Variants in MLLT3 observed in about 807,000 individuals in gnomAD.
The protein encoded by MLLT3 is protein AF-9.
MLLT3 carries 4 observed loss-of-function variants against 53.2 expected under a neutral mutation model. That is an observed-to-expected ratio of 0.08 (90% CI 0.04 to 0.17). The LOEUF (loss-of-function observed/expected upper bound fraction) is 0.17. Among genes scored for constraint, MLLT3 ranks in the 10% least tolerant of loss-of-function variants. The pLI is 1.00. For synonymous variants in MLLT3, 283 were observed against 230.6 expected, an observed-to-expected ratio of 1.23 and a Z score of -2.06; for missense variants, 569 against 684.0, an observed-to-expected ratio of 0.83 and a Z score of 1.87.
chr9:20,588,280 C>T (rs1258801034), intron 2 of MLLT3, among the ~76,000 whole-genome samples: 15 of 149,930 alleles, frequency 1.0e-4, no homozygotes, highest in African/African-American at 3.4e-4. Context: ...TAGTGTGATG[C>T]CTCCAGCTTT....
chr9:20,493,585 T>C (rs1825007063), intron 2 of MLLT3, among the ~76,000 whole-genome samples: 3 of 152,022 alleles, frequency 2.0e-5, no homozygotes, highest in South Asian at 2.1e-4. Context: ...GTATTATTTG[T>C]CATAGGAAGA....
chr9:20,574,689 T>C (rs1396045738), intron 2 of MLLT3, among the ~76,000 whole-genome samples: 4 of 152,166 alleles, frequency 2.6e-5, no homozygotes, highest in South Asian at 4.1e-4. Context: ...TGGATGTTGA[T>C]GGCTGCTGAC....
intron 2 of MLLT3, among the ~76,000 whole-genome samples, chr9:20,530,605 G>T (rs1818307170): frequency 6.6e-6 from 1 of 152,176 alleles, no homozygotes. Context: ...GTAAATACAT[G>T]CATAAAAACA....
intron 2 of MLLT3, among the ~76,000 whole-genome samples, chr9:20,569,442 T>C (rs1819470301): frequency 6.6e-6 from 1 of 152,016 alleles, no homozygotes; most frequent in African/African-American, 2.4e-5. Context: ...GTTATAGCAA[T>C]AATAGCAATC....
chr9:20,483,833 G>A (rs148074784), intron 2 of MLLT3, among the ~76,000 whole-genome samples: 1,777 of 149,768 alleles, frequency 0.012, 16 homozygotes, highest in Middle Eastern at 0.034. Context: ...TCAGCCTCCC[G>A]AGTAGCTGGG....
chr9:20,568,812 T>C (rs1441427582), intron 2 of MLLT3, among the ~76,000 whole-genome samples: 1 of 152,202 alleles, frequency 6.6e-6, no homozygotes, highest in Non-Finnish European at 1.5e-5. Context: ...TATTTACATC[T>C]AATCCTCACT....
chr9:20,414,312 ACTGCTGCTG>A lies in MLLT3; in HGVS notation c.525_533del (p.Ser188_Ser190del), dbSNP rs747298605. ...TGCTGCTGCTGCTACTGCTGCTGCT[ACTGCTGCTG>A]CTGCTGCTGCTGCTGCTGCTGCTAC... On this transcript the variant is annotated inframe_deletion, in exon 5 of 11. Coordinates refer to ENST00000380338, the MANE Select transcript of MLLT3 (RefSeq NM_004529.4). The A allele has an allele frequency of 1.0e-4, 156 of 1,565,024 alleles. No homozygotes were observed. Among genetic ancestry groups the A allele is most frequent in the Middle Eastern group, 3.9e-4 (2 of 5,174 alleles).
chr9:20,594,478 G>A (rs1444379635), intron 2 of MLLT3, among the ~76,000 whole-genome samples: 3 of 152,110 alleles, frequency 2.0e-5, no homozygotes, highest in African/African-American at 7.2e-5. Flanking sequence ...TTATAAAAGG[G>A]AGGGGGGCAA....
Position 20,502,207 on chromosome 9 carries a change from C to A in MLLT3, c.194-45421G>T, listed in dbSNP as rs940092334. ...ATGTAAGCAAAAATTCCAGAGTATA[C>A]AGAATGCCTGGCTTGACAGGGCACC... On this transcript the variant is annotated intron_variant, in intron 2 of 10. Coordinates refer to ENST00000380338, the MANE Select transcript of MLLT3 (RefSeq NM_004529.4). The A allele has an allele frequency of 2.0e-5, 3 of 153,042 alleles. No individual in the cohort carries two copies. In the Admixed American group the frequency reaches 2.0e-4, roughly 10 times the overall value. 9.5% of individuals were successfully genotyped at this position (153,042 alleles called of 1,614,324 possible). A position where few individuals can be genotyped will look rare whatever the true frequency, so the allele number is the denominator to read the frequency against.
chr9:20,423,422 A>AT (rs540377831), intron 4 of MLLT3, among the ~76,000 whole-genome samples: 3 of 152,088 alleles, frequency 2.0e-5, no homozygotes, highest in Non-Finnish European at 4.4e-5. Context: ...GTAAAATATT[A>AT]TTTTTTGGCA....
intron 2 of MLLT3, among the ~76,000 whole-genome samples, chr9:20,480,961 C>A (rs1427715106): frequency 6.6e-6 from 1 of 152,074 alleles, no homozygotes; most frequent in Non-Finnish European, 1.5e-5. Flanking sequence ...GTCATGAGAA[C>A]TATAATTTTA....
intron 2 of MLLT3, among the ~76,000 whole-genome samples, chr9:20,618,992 G>A (rs1232699322): frequency 2.0e-5 from 3 of 152,166 alleles, no homozygotes; most frequent in Non-Finnish European, 4.4e-5. Context: ...CAGCCAAGTA[G>A]TAGTAATAAT....
chr9:20,456,169 C>T (rs1027826782), intron 3 of MLLT3, among the ~76,000 whole-genome samples: 2 of 152,156 alleles, frequency 1.3e-5, no homozygotes. Flanking sequence ...GAACTCCTGA[C>T]CTCAAGTGAT....
intron 4 of MLLT3, among the ~76,000 whole-genome samples, chr9:20,416,723 T>C (rs989732307): frequency 6.6e-6 from 1 of 152,274 alleles, no homozygotes. Flanking sequence ...GACCCAGACA[T>C]TCTTGTTCTT....
At chr9:20,524,454 T>C (rs1818147291) in intron 2 of MLLT3, among the ~76,000 whole-genome samples, 1 of 152,054 alleles carries the variant, frequency 6.6e-6, no homozygotes, top group East Asian at 1.9e-4. Flanking sequence ...AAATGTACTG[T>C]AATCAAAATC....
At chr9:20,585,628 G>A (rs1202990852) in intron 2 of MLLT3, among the ~76,000 whole-genome samples, 1 of 152,136 alleles carries the variant, frequency 6.6e-6, no homozygotes, top group African/African-American at 2.4e-5. Context: ...TGGTATCATT[G>A]TTTTTGTTAA....
At chr9:20,428,212 C>T (rs1823183446) in intron 4 of MLLT3, among the ~76,000 whole-genome samples, 1 of 151,734 alleles carries the variant, frequency 6.6e-6, no homozygotes, top group South Asian at 2.1e-4. Flanking sequence ...AAGTAAAAAC[C>T]TAGAATTGTA....
intron 4 of MLLT3, among the ~76,000 whole-genome samples, chr9:20,440,519 A>G (rs1181603232): frequency 6.6e-6 from 1 of 152,104 alleles, no homozygotes; most frequent in Non-Finnish European, 1.5e-5. Context: ...TTTTCACTTA[A>G]TATTATAGAG....
At chr9:20,602,797 C>G (rs573858078) in intron 2 of MLLT3, among the ~76,000 whole-genome samples, 2 of 144,802 alleles carry the variant, frequency 1.4e-5, no homozygotes, top group South Asian at 4.5e-4. Context: ...CACACACACA[C>G]AGCATATGCA....
Sources: allele counts gnomAD v4.1 joint callset (sites outside exome capture counted in the v4.1 genomes callset), GRCh38; gene constraint gnomAD v4.1.1; transcripts MANE v1.5; gene names NCBI Gene and HGNC (gene_info 2026-07-23, HGNC 2026-07-21).